The following CNTNAP4 variants were observed in gnomAD, a reference collection of about 807,000 sequenced individuals.
CNTNAP4 encodes contactin-associated protein-like 4.
CNTNAP4 carries 98 observed loss-of-function variants against 148.4 expected under a neutral mutation model. That is an observed-to-expected ratio of 0.66 (90% confidence interval 0.56 to 0.78). The LOEUF (loss-of-function observed/expected upper bound fraction) is 0.78, where lower values mean the gene tolerates loss of function less well. Ranked by LOEUF, CNTNAP4 falls within the 30% of genes least tolerant of loss-of-function variation. The pLI, the probability that CNTNAP4 is intolerant of heterozygous loss-of-function variation, is 0.00. For missense variants in CNTNAP4, 1,935 were observed against 1,565.6 expected (o/e 1.24, Z -3.98); for synonymous variants, 730 against 565.1 (o/e 1.29, Z -4.14).
chr16:76,430,555 T>G (rs1597509368), intron 4 of CNTNAP4, among the ~76,000 whole-genome samples: 1 of 151,620 alleles, frequency 6.6e-6, no homozygotes, highest in South Asian at 2.1e-4. Flanking sequence ...TGTTGGGGAG[T>G]GGGTAGGGTT....
At chr16:76,328,940 G>A (rs768548500) in intron 2 of CNTNAP4, among the ~76,000 whole-genome samples, 2 of 152,194 alleles carry the variant, frequency 1.3e-5, no homozygotes, top group Non-Finnish European at 2.9e-5. Flanking sequence ...CCTGGCACCT[G>A]TAAGGTATTA....
Position 76,522,766 on chromosome 16 carries a change from C to CTTTT in CNTNAP4, c.2755+510_2755+513dup, listed in dbSNP as rs2083540672. On this transcript the variant is annotated intron_variant, in intron 17 of 23. Transcript: ENST00000611870. ...CTTTTCTTTTCTTTTCTTTTCTTTTCTTTTCTTTTCTTTCTTGACAGAGTC... is the reference window on the plus strand; with the variant it reads ...CTTTTCTTTTCTTTTCTTTTCTTTTCTTTTTTTTCTTTTCTTTCTTGACAGAGTC... 2.5e-4 allele frequency among the ~76,000 whole-genome samples: 22 copies of CTTTT among 87,254 alleles called. 2 individuals carry two copies. The South Asian group carries it at 3.9e-3, about 16-fold the overall frequency. The allele number at this position is 87,254 out of a possible 152,430, so 57.2% of individuals were successfully genotyped here.
intron 4 of CNTNAP4, among the ~76,000 whole-genome samples, chr16:76,445,323 T>G (rs1995652): frequency 0.39 from 58,863 of 152,050 alleles, 12,105 homozygotes; most frequent in Middle Eastern, 0.53. Context: ...ACTTAGTTGT[T>G]TACTTGCTAA....
chr16:76,433,301 G>A (rs911833805), intron 4 of CNTNAP4, among the ~76,000 whole-genome samples: 1 of 152,128 alleles, frequency 6.6e-6, no homozygotes, highest in Non-Finnish European at 1.5e-5. Flanking sequence ...GGAGAACTGA[G>A]GGAGAAGATT....
intron 14 of CNTNAP4, among the ~76,000 whole-genome samples, chr16:76,495,888 A>C (rs1597731166): frequency 1.3e-5 from 2 of 152,036 alleles, no homozygotes; most frequent in East Asian, 3.8e-4. Context: ...AAATCTGTTA[A>C]TGTAGGTCAT....
chr16:76,482,451 T>C (rs1282848911), intron 12 of CNTNAP4, among the ~76,000 whole-genome samples: 1 of 150,918 alleles, frequency 6.6e-6, no homozygotes, highest in Non-Finnish European at 1.5e-5. Flanking sequence ...TTTTTTTAGT[T>C]TGAGATGTCT....
rs770133509 is a variant in CNTNAP4, at chr16:76,316,484, A to G, written c.157A>G (p.Ser53Gly). The G allele has an allele frequency of 1.2e-6, 2 of 1,613,764 alleles. No homozygotes were observed. Among genetic ancestry groups the G allele is most frequent in the Non-Finnish European group, 1.7e-6 (2 of 1,179,808 alleles). ...SFSSSSELSSSHGPGFARLNR... is the reference protein window; with the variant it reads ...SFSSSSELSSGHGPGFARLNR... ...CAGCAGTTCTTCCGAGCTCTCCAGCAGTCATGGTCCTGGATTTGCAAGGCT... is the reference window on the plus strand; with the variant it reads ...CAGCAGTTCTTCCGAGCTCTCCAGCGGTCATGGTCCTGGATTTGCAAGGCT... Residue 53 changes from serine to glycine, a missense_variant, in exon 2 of 24, where the codon AGT (serine) becomes GGT (glycine). Transcript: ENST00000611870.
At chr16:76,522,711 CT>C in intron 17 of CNTNAP4, among the ~76,000 whole-genome samples, 2 of 24,656 alleles carry the variant, frequency 8.1e-5, no homozygotes, top group African/African-American at 3.8e-4. Flanking sequence ...CTTTTCTTTT[CT>C]TTTCTTTTCT....
intron 9 of CNTNAP4, among the ~76,000 whole-genome samples, chr16:76,466,921 CAA>C (rs2081194723): frequency 6.6e-6 from 1 of 152,000 alleles, no homozygotes; most frequent in African/African-American, 2.4e-5. Context: ...TTTATAAATA[CAA>C]AGATATTTCA....
At chr16:76,339,281 C>G (rs1180781901) in intron 2 of CNTNAP4, among the ~76,000 whole-genome samples, 1 of 152,104 alleles carries the variant, frequency 6.6e-6, no homozygotes, top group African/African-American at 2.4e-5. Flanking sequence ...AGTGCATAGT[C>G]AGCCCCTCCC....
intron 4 of CNTNAP4, among the ~76,000 whole-genome samples, chr16:76,434,432 A>T (rs1359721549): frequency 6.6e-6 from 1 of 152,178 alleles, no homozygotes; most frequent in Non-Finnish European, 1.5e-5. Flanking sequence ...GTACCAGGAG[A>T]TGTGTTAATT....
intron 2 of CNTNAP4, among the ~76,000 whole-genome samples, chr16:76,337,729 A>T (rs1193937832): frequency 6.6e-6 from 1 of 152,096 alleles, no homozygotes; most frequent in Non-Finnish European, 1.5e-5. Context: ...TTCATCCCTT[A>T]TCTTCAACTG....
chr16:76,465,010 T>C (rs1423686448), intron 9 of CNTNAP4, among the ~76,000 whole-genome samples: 3 of 152,220 alleles, frequency 2.0e-5, no homozygotes, highest in Non-Finnish European at 4.4e-5. Context: ...AATCTGGGGA[T>C]ACTGTGTGCA....
chr16:76,337,136 G>T (rs908066069), intron 2 of CNTNAP4, among the ~76,000 whole-genome samples: 6 of 152,146 alleles, frequency 3.9e-5, no homozygotes, highest in Non-Finnish European at 5.9e-5. Flanking sequence ...ATGTTGGATG[G>T]ATTCTTTTTA....
intron 12 of CNTNAP4, among the ~76,000 whole-genome samples, chr16:76,485,892 G>A (rs1187508731): frequency 5.9e-5 from 9 of 152,140 alleles, no homozygotes; most frequent in Non-Finnish European, 8.8e-5. Context: ...CTCCCCTCCT[G>A]TCTCCTCTGC....
chr16:76,500,057 T>TCAATGAGCTGTTGGGTA (rs2082566118), intron 15 of CNTNAP4, among the ~76,000 whole-genome samples: 1 of 152,172 alleles, frequency 6.6e-6, no homozygotes, highest in Non-Finnish European at 1.5e-5. Flanking sequence ...TGGCCCGTTC[T>TCAATGAGCTGTTGGGTA]CAATGAGCTG....
intron 4 of CNTNAP4, among the ~76,000 whole-genome samples, chr16:76,431,412 G>C (rs1333696002): frequency 6.6e-6 from 1 of 152,078 alleles, no homozygotes; most frequent in African/African-American, 2.4e-5. Context: ...AGGCGCGGTG[G>C]CTCATGCCTG....
Position 76,324,615 on chromosome 16 carries a change from G to A in CNTNAP4, c.196+8092G>A, listed in dbSNP as rs142482657. On this transcript the variant is annotated intron_variant, in intron 2 of 23. Transcript: ENST00000611870. Reference sequence around the variant, plus strand: ...GGACTTTGCCTTACCTCAAGGTGACGGTAGAGTCTAGCATGGTGTCTGGCT... The same window carrying A: ...GGACTTTGCCTTACCTCAAGGTGACAGTAGAGTCTAGCATGGTGTCTGGCT... Among the ~76,000 whole-genome samples, 326 of 152,246 alleles carry A rather than the reference G, an allele frequency of 2.1e-3. 1 individual carries two copies. The highest frequency in any genetic ancestry group is 6.5e-3 in the African/African-American group (268 of 41,538).
At chr16:76,464,370 G>T (rs2081097545) in intron 9 of CNTNAP4, among the ~76,000 whole-genome samples, 1 of 152,164 alleles carries the variant, frequency 6.6e-6, no homozygotes. Context: ...GGTACAGGCA[G>T]TGGGGTGATC....
Sources: allele counts gnomAD v4.1 joint callset (sites outside exome capture counted in the v4.1 genomes callset), GRCh38; gene constraint gnomAD v4.1.1; transcripts MANE v1.5; gene names NCBI Gene and HGNC (gene_info 2026-07-23, HGNC 2026-07-21).